The following LRP2 variants were observed in gnomAD, a reference collection of about 807,000 sequenced individuals.
LRP2 encodes the protein LDL receptor related protein 2.
LRP2 carries 172 observed loss-of-function variants against 531.0 expected under a neutral mutation model. That is an observed-to-expected ratio of 0.32 (90% CI 0.29 to 0.37). The LOEUF (loss-of-function observed/expected upper bound fraction) is 0.37. Ranked by LOEUF, LRP2 falls within the 10% of genes least tolerant of loss-of-function variation. The probability of loss-of-function intolerance (pLI) is 1.00; values close to 1 mark genes in which losing one functional copy is unlikely to be tolerated. For synonymous variants in LRP2, 1,992 were observed against 2,027.6 expected (o/e 0.98, Z 0.47); for missense variants, 5,167 against 5,868.3 (o/e 0.88, Z 3.90).
intron 43 of LRP2, 108 bp downstream of exon 43, chr2:169,202,648 G>A: frequency 8.9e-7 from 1 of 1,118,376 alleles, no homozygotes; most frequent in Non-Finnish European, 1.4e-6. Flanking sequence ...CTACCAGGAT[G>A]CCTAGGCACA....
At chr2:169,296,031 G>C (rs1684126835) in intron 4 of LRP2, among the ~76,000 whole-genome samples, 1 of 152,064 alleles carries the variant, frequency 6.6e-6, no homozygotes, top group South Asian at 2.1e-4. Flanking sequence ...TAATTCTTTG[G>C]ATAGTCCCAA....
intron 1 of LRP2, among the ~76,000 whole-genome samples, chr2:169,322,831 A>G (rs1375672046): frequency 6.6e-6 from 1 of 152,224 alleles, no homozygotes; most frequent in African/African-American, 2.4e-5. Flanking sequence ...TCATATTGCT[A>G]TGGAGAAAAG....
In LRP2 at chr2:169,270,973, G is replaced by A; in HGVS notation, c.2251C>T (p.Gln751Ter). ...SFFVGIDFDA[Q>*]DSTIFFSDMS... ...TCTGAAAAAAAGATAGTGCTGTCCT[G>A]GGCGTCAAAATCAATCCCGACAAAG... is the stretch of plus-strand genomic sequence containing the variant. The change falls in exon 16 of 79, where the codon CAG becomes TAG. Residue 751 changes from glutamine to a stop codon, truncating the protein, a stop_gained. Transcript: ENST00000649046. LOFTEE classifies it high-confidence loss of function. 6.2e-7 allele frequency: 1 copy of A among 1,613,216 alleles called. No homozygotes were observed. The highest frequency in any genetic ancestry group is 1.3e-5 in the African/African-American group (1 of 74,908).
chr2:169,144,276 C>T (rs886561102), intron 70 of LRP2, among the ~76,000 whole-genome samples: 12 of 152,180 alleles, frequency 7.9e-5, no homozygotes, highest in Non-Finnish European at 1.5e-4. Context: ...ATGGGGCCCA[C>T]GAATCTATAT....
intron 68 of LRP2, among the ~76,000 whole-genome samples, chr2:169,148,499 G>A (rs1357624811): frequency 6.6e-6 from 1 of 152,010 alleles, no homozygotes; most frequent in Non-Finnish European, 1.5e-5. Context: ...AAGATAATAA[G>A]CCAGGCATGG....
chr2:169,179,252 C>T (rs1280510314), intron 52 of LRP2, among the ~76,000 whole-genome samples: 1 of 152,028 alleles, frequency 6.6e-6, no homozygotes, highest in Non-Finnish European at 1.5e-5. Context: ...TGCAATCTGC[C>T]CTGCTCAGCC....
intron 58 of LRP2, among the ~76,000 whole-genome samples, 195 bp downstream of exon 58, chr2:169,171,820 A>G (rs1687014760): frequency 6.6e-6 from 1 of 152,262 alleles, no homozygotes. Flanking sequence ...GATTTGAAAC[A>G]TCTCAGAAGG....
rs115410903 is a variant in LRP2 at position 169,223,428 on chromosome 2, T to C, written c.5538+1882A>G. On this transcript the variant is annotated intron_variant, in intron 33 of 78. Coordinates refer to ENST00000649046, the MANE Select transcript of LRP2 (RefSeq NM_004525.3). ...AAGAGATAAAATAAGAGCATATTAA[T>C]TGCCATTTGGAATTAAGACAGCTTT... Among the ~76,000 whole-genome samples, 579 of 152,344 alleles carry C rather than the reference T, an allele frequency of 3.8e-3. 4 individuals are homozygous for C. The highest frequency in any genetic ancestry group is 0.013 in the African/African-American group (552 of 41,596).
rs138547237 is a variant in LRP2 at position 169,241,130 on chromosome 2, A to G, written c.3903T>C (p.Asp1301=). 8 of 1,613,940 alleles carry G rather than the reference A, an allele frequency of 5.0e-6. No individual in the cohort carries two copies. The highest frequency in any genetic ancestry group is 5.9e-6 in the Non-Finnish European group (7 of 1,179,952). The change falls in exon 25 of 79, where the codon GAT becomes GAC. Residue 1301 remains aspartate, a synonymous_variant. Transcript: ENST00000649046. The part of the protein sequence containing the change: ...DRDNDCGDMS[D]EKDCPTQPFR... ...AGGGCTGAGTAGGGCAGTCCTTCTC[A>G]TCACTCATATCCCCGCAGTCATTGT...
chr2:169,244,118 G>A (rs1689916127), intron 22 of LRP2, among the ~76,000 whole-genome samples: 1 of 152,210 alleles, frequency 6.6e-6, no homozygotes, highest in African/African-American at 2.4e-5. Context: ...CCAAATGATA[G>A]TGACTTGCCT....
chr2:169,344,280 C>T (rs1304167716), intron 1 of LRP2, among the ~76,000 whole-genome samples: 1 of 151,952 alleles, frequency 6.6e-6, no homozygotes, highest in Non-Finnish European at 1.5e-5. Flanking sequence ...GCCCCCCAAC[C>T]CCCAGCAGGC....
chr2:169,206,823 C>A lies in LRP2; in HGVS notation c.6897G>T (p.Lys2299Asn). The A allele has an allele frequency of 6.2e-7, 1 of 1,614,156 alleles. No individual in the cohort carries two copies. The highest frequency in any genetic ancestry group is 8.5e-7 in the Non-Finnish European group (1 of 1,180,016). Residue 2299 changes from lysine (K) to asparagine (N), a missense_variant, in exon 39 of 79, where the codon AAG becomes AAT. Lys to Asn is a moderately conservative substitution (Grantham distance 94, BLOSUM62 0). Coordinates refer to ENST00000649046, the MANE Select transcript of LRP2 (RefSeq NM_004525.3). ...CTGGTTCCTTGCTGGCTTGGAAGAT[C>A]TTTTTCAAATTCCTATCTACCCATA... The part of the protein sequence containing the change: ...SIIWVDRNLK[K>N]IFQASKEPEN...
chr2:169,268,959 A>G (rs932514384), intron 16 of LRP2, among the ~76,000 whole-genome samples: 70 of 152,272 alleles, frequency 4.6e-4, no homozygotes, highest in Admixed American at 8.5e-4. Flanking sequence ...TACACCAATA[A>G]CAGACAAACA....
intron 21 of LRP2, among the ~76,000 whole-genome samples, chr2:169,245,562 C>T (rs185245528): frequency 6.6e-6 from 1 of 152,196 alleles, no homozygotes; most frequent in East Asian, 1.9e-4. Context: ...ATTAACTTCA[C>T]CTTGATAGAG....
chr2:169,289,059 T>C lies in LRP2; in HGVS notation c.1009A>G (p.Ile337Val). The change falls in exon 9 of 79, where the codon ATC (isoleucine) becomes GTC (valine). Residue 337 changes from isoleucine (I) to valine (V), a missense_variant. Physicochemically the swap from Ile to Val is conservative, Grantham distance 29. This residue lies in a region of LRP2 where 2,811 missense variants were observed against 3,058.0 expected (regional missense o/e 0.92). Transcript: ENST00000649046. ...GGACFCPPGY[I>V]INHNDSRTCV... ...GTACGGCTGTCATTGTGGTTGATGA[T>C]ATAACCTGGGGGACAAAAACACGCT... 1 of 1,614,036 alleles carries C rather than the reference T, an allele frequency of 6.2e-7. No individual in the cohort carries two copies. Among genetic ancestry groups the C allele is most frequent in the Non-Finnish European group, 8.5e-7 (1 of 1,179,974 alleles).
intron 52 of LRP2, among the ~76,000 whole-genome samples, chr2:169,180,421 C>T (rs17212087): frequency 0.02 from 3,078 of 152,264 alleles, 40 homozygotes; most frequent in Non-Finnish European, 0.031. Flanking sequence ...ATATCTGCTA[C>T]GGTAAATTCT....
intron 29 of LRP2, among the ~76,000 whole-genome samples, chr2:169,234,716 G>A (rs1689539035): frequency 6.6e-6 from 1 of 152,094 alleles, no homozygotes; most frequent in African/African-American, 2.4e-5. Flanking sequence ...TTCCACAATG[G>A]TTGAACTAAT....
chr2:169,156,430 C>T (rs528068434), intron 64 of LRP2, 25 bp from the exon 65 acceptor site: 250 of 1,612,778 alleles, frequency 1.6e-4, no homozygotes, highest in Non-Finnish European at 2.0e-4. Flanking sequence ...AAACCAAATA[C>T]GCAACATCTG....
rs898681788 is a variant in LRP2, at chr2:169,233,522, G to A, written c.4987C>T (p.Arg1663Cys). ...CACTTGTTGGCTCGCATAACCCGACGAGTAGCACGGTCAGTCCAGTACACA... is the reference window on the plus strand; with the variant it reads ...CACTTGTTGGCTCGCATAACCCGACAAGTAGCACGGTCAGTCCAGTACACA... Reference protein sequence around the residue: ...DSVYWTDRATRRVMRANKWHG... With the variant: ...DSVYWTDRATCRVMRANKWHG... The change falls in exon 30 of 79, where the codon CGT becomes TGT. Residue 1663 changes from arginine to cysteine, a missense_variant. By Grantham distance (180) the Arg-to-Cys change is radical. Around this residue, in one of 6 missense-constraint regions of LRP2, gnomAD observed 2,811 missense variants for 3,058.0 expected, o/e 0.92. Transcript: ENST00000649046. 7 of 1,613,956 alleles carry A rather than the reference G, an allele frequency of 4.3e-6. No homozygotes were observed. The Admixed American group carries it at 5.0e-5, about 12-fold the overall frequency.
Sources: allele counts gnomAD v4.1 joint callset (sites outside exome capture counted in the v4.1 genomes callset), GRCh38; gene constraint gnomAD v4.1.1; regional missense constraint gnomAD v4.1.1; transcripts MANE v1.5; gene names NCBI Gene and HGNC (gene_info 2026-07-23, HGNC 2026-07-21).